Variants in ACOX2 observed in about 807,000 individuals in gnomAD.
ACOX2 encodes peroxisomal acyl-coenzyme A oxidase 2.
Under a neutral mutation model 77.5 loss-of-function variants are expected in ACOX2, and 59 were observed. That is an observed-to-expected ratio of 0.76 (90% CI 0.62 to 0.95). The LOEUF (loss-of-function observed/expected upper bound fraction) is 0.95. Ranked by LOEUF, ACOX2 falls within the 40% of genes least tolerant of loss-of-function variation. The probability of loss-of-function intolerance (pLI) is 0.00; values close to 1 mark genes in which losing one functional copy is unlikely to be tolerated. For synonymous variants in ACOX2, 317 were observed against 340.1 expected, an observed-to-expected ratio of 0.93 and a Z score of 0.75; for missense variants, 837 against 880.4, an observed-to-expected ratio of 0.95 and a Z score of 0.62.
intron 5 of ACOX2, among the ~76,000 whole-genome samples, chr3:58,532,478 C>G (rs1577001449): frequency 6.6e-6 from 1 of 152,152 alleles, no homozygotes; most frequent in East Asian, 1.9e-4. Flanking sequence ...CTCTGCCTCC[C>G]AGGTTCAAGC....
chr3:58,508,851 TCTG>T, intron 14 of ACOX2, 39 bp downstream of exon 14: 1 of 1,608,056 alleles, frequency 6.2e-7, no homozygotes, highest in Non-Finnish European at 8.5e-7. Context: ...CTGCCTGTTC[TCTG>T]CTTTCTTACA....
In ACOX2 at chr3:58,524,731, C is replaced by T; in HGVS notation, c.1347-126G>A. 9.2e-7 allele frequency: 1 copy of T among 1,088,106 alleles called. No individual in the cohort carries two copies. The highest frequency in any genetic ancestry group is 1.3e-6 in the Non-Finnish European group (1 of 770,540). The allele number at this position is 1,088,106 out of a possible 1,614,324, so 67.4% of individuals were successfully genotyped here. A position where few individuals can be genotyped will look rare whatever the true frequency, so the allele number is the denominator to read the frequency against. On this transcript the variant is annotated intron_variant, in intron 10 of 14. Transcript: ENST00000302819. The surrounding 1 kb of genome is among the most constrained non-coding windows in gnomAD (Gnocchi z 5.5). ...CCTTCCCGTGGGAGAGCCAGGTCACCAGGCCTCTGCCTGGCCTCCCTCCTG... is the reference window on the plus strand; with the variant it reads ...CCTTCCCGTGGGAGAGCCAGGTCACTAGGCCTCTGCCTGGCCTCCCTCCTG...
chr3:58,530,044 G>A (rs1268872073), intron 8 of ACOX2, among the ~76,000 whole-genome samples: 1 of 152,220 alleles, frequency 6.6e-6, no homozygotes, highest in Non-Finnish European at 1.5e-5. Flanking sequence ...ATTTTGCTAG[G>A]CTCGGCCTGA....
In ACOX2 at chr3:58,519,415, G is replaced by A. The variant is rs2063343741; in HGVS notation, c.1633-1992C>T. Among the ~76,000 whole-genome samples, 1 of 152,104 alleles carries A rather than the reference G, an allele frequency of 6.6e-6. No individual in the cohort carries two copies. On this transcript the variant is annotated intron_variant, in intron 12 of 14. Coordinates refer to ENST00000302819, the MANE Select transcript of ACOX2 (RefSeq NM_003500.4). This position sits in a 1 kb window ranked among gnomAD's most constrained non-coding sequence, Gnocchi z 5.0. Reference sequence around the variant, plus strand: ...AAAAAGAGTGCCTTGGGGGTTCAAAGGAGTTCACCCAGGCGGACATGAGTT... The same window carrying A: ...AAAAAGAGTGCCTTGGGGGTTCAAAAGAGTTCACCCAGGCGGACATGAGTT...
chr3:58,505,277 C>T lies in ACOX2; in HGVS notation c.1993G>A (p.Ala665Thr). 6.2e-7 allele frequency: 1 copy of T among 1,612,430 alleles called. No individual in the cohort carries two copies. Among genetic ancestry groups the T allele is most frequent in the Non-Finnish European group, 8.5e-7 (1 of 1,179,352 alleles). The change falls in exon 15 of 15, where the codon GCC (alanine) becomes ACC (threonine). Residue 665 changes from alanine to threonine, a missense_variant. By Grantham distance (58) the Ala-to-Thr change is moderately conservative. Coordinates refer to ENST00000302819, the MANE Select transcript of ACOX2 (RefSeq NM_003500.4). The surrounding 1 kb of genome is among the most constrained non-coding windows in gnomAD (Gnocchi z 4.4). ...KSPTNTQENP[A>T]YEEYIRPLLQ... ...AGTGGTCTTATATATTCCTCATAGG[C>T]AGGGTTCTCCTGTTTGTAGAAAGAA...
intron 12 of ACOX2, among the ~76,000 whole-genome samples, chr3:58,520,169 T>C (rs2107997436): frequency 6.6e-6 from 1 of 152,368 alleles, no homozygotes; most frequent in East Asian, 1.9e-4. Flanking sequence ...TAAGTTTTAC[T>C]TATTTAATCT....
At position 58,528,725 on chromosome 3, in the gene ACOX2, C is replaced by A; in HGVS notation, c.1155+69G>T. On this transcript the variant is annotated intron_variant, in intron 9 of 14. Transcript: ENST00000302819. The surrounding 1 kb of genome is among the most constrained non-coding windows in gnomAD (Gnocchi z 5.6). ...CCATGGGGATGGGGCTGTGGCTGCT[C>A]CCCAGTGAGTGGAACAATCTTAGCT... The A allele has an allele frequency of 6.7e-7, 1 of 1,496,766 alleles. No individual in the cohort carries two copies. The highest frequency in any genetic ancestry group is 8.9e-7 in the Non-Finnish European group (1 of 1,122,076). The allele number at this position is 1,496,766 out of a possible 1,614,324, so 92.7% of individuals were successfully genotyped here. A position where few individuals can be genotyped will look rare whatever the true frequency, so the allele number is the denominator to read the frequency against.
In ACOX2 at chr3:58,526,715, C is replaced by A; in HGVS notation, c.1156-59G>T. The A allele has an allele frequency of 6.5e-7, 1 of 1,549,104 alleles. No homozygotes were observed. Among genetic ancestry groups the A allele is most frequent in the South Asian group, 1.2e-5 (1 of 83,782 alleles). On this transcript the variant is annotated intron_variant, in intron 9 of 14. Coordinates refer to ENST00000302819, the MANE Select transcript of ACOX2 (RefSeq NM_003500.4). This position sits in a 1 kb window ranked among gnomAD's most constrained non-coding sequence, Gnocchi z 4.3. ...AGGGGGCCTCCACCATAGGGACCAA[C>A]CCTGTGCACCACTTACTGAGCATCT...
chr3:58,516,852 A>C (rs2063324718), intron 13 of ACOX2, among the ~76,000 whole-genome samples: 1 of 152,026 alleles, frequency 6.6e-6, no homozygotes, highest in South Asian at 2.1e-4. Flanking sequence ...AAAGAAAAGA[A>C]AAAAAAAGTT....
At chr3:58,536,296 A>G (rs4404463) in intron 1 of ACOX2, among the ~76,000 whole-genome samples, 140,942 of 152,208 alleles carry the variant, frequency 0.93, 65,570 homozygotes, top group East Asian at 1. Context: ...CCAGCTCTGC[A>G]TTTCCTAGCT....
rs1238775290 is a variant in ACOX2, at chr3:58,523,019, T to A, written c.1527-418A>T. 1 of 166,210 alleles carries A rather than the reference T, an allele frequency of 6.0e-6. No individual in the cohort carries two copies. Among genetic ancestry groups the A allele is most frequent in the East Asian group, 1.6e-4 (1 of 6,418 alleles). The allele number at this position is 166,210 out of a possible 1,614,324, so 10.3% of individuals were successfully genotyped here. On this transcript the variant is annotated intron_variant, in intron 11 of 14. Transcript: ENST00000302819. The surrounding 1 kb of genome is among the most constrained non-coding windows in gnomAD (Gnocchi z 5.3). ...CTGAGCAAGGAGAATGGTTTTTCTG[T>A]AAAGGCTAGAGAGGCCCGTCGGTCA... is the stretch of plus-strand genomic sequence containing the variant.
Position 58,531,572 on chromosome 3 carries a change from C to T in ACOX2, c.703+121G>A, listed in dbSNP as rs371010024. On this transcript the variant is annotated intron_variant, in intron 6 of 14. Transcript: ENST00000302819. The surrounding 1 kb of genome is among the most constrained non-coding windows in gnomAD (Gnocchi z 5.8). ...TAGCACCAAGTCTGTCCAACTGGAC[C>T]GCTCCCTGCCCAAGGGAGACATGTC... 77 of 1,459,436 alleles carry T rather than the reference C, an allele frequency of 5.3e-5. No individual in the cohort carries two copies. The highest frequency in any genetic ancestry group is 6.5e-5 in the Non-Finnish European group (70 of 1,078,412). 90.4% of individuals were successfully genotyped at this position (1,459,436 alleles called of 1,614,324 possible).
chr3:58,506,740 C>T (rs543869414), intron 14 of ACOX2, among the ~76,000 whole-genome samples: 2 of 152,070 alleles, frequency 1.3e-5, no homozygotes, highest in Non-Finnish European at 2.9e-5. Flanking sequence ...TGCAGTGAGC[C>T]GCGGTTGTGC....
At position 58,534,234 on chromosome 3, in the gene ACOX2, G is replaced by T; in HGVS notation, c.324-89C>A. 6 of 1,580,308 alleles carry T rather than the reference G, an allele frequency of 3.8e-6. No homozygotes were observed. Among genetic ancestry groups the T allele is most frequent in the Middle Eastern group, 2.0e-4 (1 of 4,884 alleles). On this transcript the variant is annotated intron_variant, in intron 3 of 14. Transcript: ENST00000302819. This position sits in a 1 kb window ranked among gnomAD's most constrained non-coding sequence, Gnocchi z 4.8. ...CTGAGCAGAGTACAGGAGATAAAGG[G>T]CACCTAGCATCCTGGTTTCCCAACA...
Position 58,531,612 on chromosome 3 carries a change from G to T in ACOX2, c.703+81C>A. The T allele has an allele frequency of 6.4e-7, 1 of 1,558,098 alleles. No homozygotes were observed. The highest frequency in any genetic ancestry group is 8.7e-7 in the Non-Finnish European group (1 of 1,151,188). Reference sequence around the variant, plus strand: ...GGAGACATGTCTTAGCTACTCCTGTGGCCCTCTGGGGCCCCAGGTCAGGGA... The same window carrying T: ...GGAGACATGTCTTAGCTACTCCTGTTGCCCTCTGGGGCCCCAGGTCAGGGA... On this transcript the variant is annotated intron_variant, in intron 6 of 14. Transcript: ENST00000302819. The surrounding 1 kb of genome is among the most constrained non-coding windows in gnomAD (Gnocchi z 5.8).
At chr3:58,506,312 A>G (rs1576983419) in intron 14 of ACOX2, among the ~76,000 whole-genome samples, 1 of 152,350 alleles carries the variant, frequency 6.6e-6, no homozygotes. Context: ...CCCTTAAACC[A>G]AGAAAGCACA....
Position 58,533,306 on chromosome 3 carries a change from G to T in ACOX2, c.583+139C>A. The T allele has an allele frequency of 1.4e-6, 1 of 730,296 alleles. No homozygotes were observed. Among genetic ancestry groups the T allele is most frequent in the East Asian group, 2.5e-5 (1 of 39,336 alleles). The allele number at this position is 730,296 out of a possible 1,614,324, so 45.2% of individuals were successfully genotyped here. On this transcript the variant is annotated intron_variant, in intron 5 of 14. Transcript: ENST00000302819. The surrounding 1 kb of genome is among the most constrained non-coding windows in gnomAD (Gnocchi z 5.6). ...GTAAGAACCTGAGGCTCAGGTTGGTGAACTGACTTGCCCAAGGTCAGCAGC... is the reference window on the plus strand; with the variant it reads ...GTAAGAACCTGAGGCTCAGGTTGGTTAACTGACTTGCCCAAGGTCAGCAGC...
In ACOX2 at chr3:58,508,927, A is replaced by C; in HGVS notation, c.1949T>G (p.Phe650Cys). The C allele has an allele frequency of 6.2e-7, 1 of 1,614,220 alleles. No individual in the cohort carries two copies. The highest frequency in any genetic ancestry group is 8.5e-7 in the Non-Finnish European group (1 of 1,180,026). ...CYDGNVYERLFQWAQKSPTNT... is the reference protein window; with the variant it reads ...CYDGNVYERLCQWAQKSPTNT... Reference sequence around the variant, plus strand: ...GGTTGGTGACTTCTGAGCCCACTGGAACAGGCGTTCGTAGACGTTTCCATC... The same window carrying C: ...GGTTGGTGACTTCTGAGCCCACTGGCACAGGCGTTCGTAGACGTTTCCATC... The change falls in exon 14 of 15, where the codon TTC (phenylalanine) becomes TGC (cysteine). Residue 650 changes from phenylalanine (F) to cysteine (C), a missense_variant. Transcript: ENST00000302819.
At chr3:58,513,536 C>T (rs927169006) in intron 13 of ACOX2, among the ~76,000 whole-genome samples, 1 of 151,732 alleles carries the variant, frequency 6.6e-6, no homozygotes, top group Non-Finnish European at 1.5e-5. Context: ...CTTCAAGGAG[C>T]TCTTTTTTTA....
Sources: allele counts gnomAD v4.1 joint callset (sites outside exome capture counted in the v4.1 genomes callset), GRCh38; gene constraint gnomAD v4.1.1; non-coding constraint Gnocchi (gnomAD v3.1); transcripts MANE v1.5; gene names NCBI Gene and HGNC (gene_info 2026-07-23, HGNC 2026-07-21).